OPRL1: variants seen among roughly 807,000 people sequenced by gnomAD.
OPRL1 encodes opioid related nociceptin receptor 1.
A neutral mutation model predicts 15.5 loss-of-function variants in OPRL1; 5 were observed. The observed-to-expected ratio is 0.32, with a 90% CI of 0.17 to 0.68. OPRL1 has a LOEUF of 0.68. Ranked by LOEUF, OPRL1 falls within the 30% of genes least tolerant of loss-of-function variation. OPRL1 has a pLI of 0.72. For missense variants in OPRL1, 406 were observed against 515.3 expected (o/e 0.79, Z 2.05); for synonymous variants, 223 against 230.2 (o/e 0.97, Z 0.28).
chr20:64,095,904 G>C (rs1979059384), intron 3 of OPRL1, among the ~76,000 whole-genome samples: 1 of 152,064 alleles, frequency 6.6e-6, no homozygotes. Context: ...TGGAAAGTGA[G>C]CAAGGTGGAC....
chr20:64,083,437 A>G lies in OPRL1; in HGVS notation c.-185+3085A>G. 1 of 1,611,090 alleles carries G rather than the reference A, an allele frequency of 6.2e-7. No individual in the cohort carries two copies. The highest frequency in any genetic ancestry group is 8.5e-7 in the Non-Finnish European group (1 of 1,179,254). Reference sequence around the variant, plus strand: ...GCGTCGCACACTCTCAGTCGCCGTCACCGCGGGAAGATGGTGCCATCCACG... The same window carrying G: ...GCGTCGCACACTCTCAGTCGCCGTCGCCGCGGGAAGATGGTGCCATCCACG... On this transcript the variant is annotated intron_variant, in intron 1 of 4. Transcript: ENST00000336866. The surrounding 1 kb of genome is among the most constrained non-coding windows in gnomAD (Gnocchi z 4.9).
At chr20:64,091,308 A>T in intron 1 of OPRL1, among the ~76,000 whole-genome samples, 1 of 142,476 alleles carries the variant, frequency 7.0e-6, no homozygotes, top group South Asian at 2.3e-4. Flanking sequence ...GCTGTGGCAG[A>T]GGTGCCCTGG....
rs749661685 is a variant in OPRL1 at position 64,098,816 on chromosome 20, C to T, written c.*17C>T. ...CCCGCATGACTAGGCGTGGACCTGC[C>T]CATGGTGCCTGTCAGCCCGCAGAGC... On this transcript the variant is annotated 3_prime_UTR_variant, in exon 5 of 5. Coordinates refer to ENST00000336866, the MANE Select transcript of OPRL1 (RefSeq NM_182647.4). 3 of 1,572,786 alleles carry T rather than the reference C, an allele frequency of 1.9e-6. No homozygotes were observed. Among genetic ancestry groups the T allele is most frequent in the East Asian group, 4.5e-5 (2 of 44,648 alleles).
At chr20:64,092,353 A>T (rs890019655) in intron 2 of OPRL1, among the ~76,000 whole-genome samples, 2 of 152,114 alleles carry the variant, frequency 1.3e-5, no homozygotes, top group Admixed American at 1.3e-4. Context: ...TGTGTTCATC[A>T]GTCCCTGTGG....
chr20:64,082,938 C>T (rs1188169754), intron 1 of OPRL1, among the ~76,000 whole-genome samples: 1 of 151,992 alleles, frequency 6.6e-6, no homozygotes, highest in Non-Finnish European at 1.5e-5. Context: ...GTTCCCCTTG[C>T]CCAGTCTCTT....
chr20:64,087,078 T>G (rs1382108662), intron 1 of OPRL1, among the ~76,000 whole-genome samples: 1 of 152,248 alleles, frequency 6.6e-6, no homozygotes, highest in Non-Finnish European at 1.5e-5. Flanking sequence ...GAGCAGCCTG[T>G]GTCAGGCTTT....
chr20:64,083,456 A>T lies in OPRL1; in HGVS notation c.-185+3104A>T. 6.2e-7 allele frequency: 1 copy of T among 1,609,620 alleles called. No individual in the cohort carries two copies. The highest frequency in any genetic ancestry group is 8.5e-7 in the Non-Finnish European group (1 of 1,178,666). ...GCCGTCACCGCGGGAAGATGGTGCC[A>T]TCCACGTTCTCCTCCAGGATGGTCT... is the stretch of plus-strand genomic sequence containing the variant. On this transcript the variant is annotated intron_variant, in intron 1 of 4. Transcript: ENST00000336866. The surrounding 1 kb of genome is among the most constrained non-coding windows in gnomAD (Gnocchi z 4.9).
Position 64,083,677 on chromosome 20 carries a change from C to G in OPRL1, c.-185+3325C>G. 1 of 1,427,304 alleles carries G rather than the reference C, an allele frequency of 7.0e-7. No individual in the cohort carries two copies. The highest frequency in any genetic ancestry group is 9.1e-7 in the Non-Finnish European group (1 of 1,097,808). 88.4% of individuals were successfully genotyped at this position (1,427,304 alleles called of 1,614,324 possible). A position where few individuals can be genotyped will look rare whatever the true frequency, so the allele number is the denominator to read the frequency against. ...GATGGCGGCGCGCGCGGACTTCTGC[C>G]GCTGGATGAGCAGCGCGATCTCCTC... On this transcript the variant is annotated intron_variant, in intron 1 of 4. Transcript: ENST00000336866. This position sits in a 1 kb window ranked among gnomAD's most constrained non-coding sequence, Gnocchi z 4.9.
At position 64,097,986 on chromosome 20, in the gene OPRL1, A is replaced by G; in HGVS notation, c.418A>G (p.Thr140Ala). The change falls in exon 4 of 5, where the codon ACC becomes GCC. Residue 140 changes from threonine to alanine, a missense_variant. Thr to Ala is a moderately conservative substitution (Grantham distance 58). Coordinates refer to ENST00000336866, the MANE Select transcript of OPRL1 (RefSeq NM_182647.4). This position sits in a 1 kb window ranked among gnomAD's most constrained non-coding sequence, Gnocchi z 4.2. ...DYYNMFTSTF[T>A]LTAMSVDRYV... ...CTACAACATGTTCACCAGCACCTTC[A>G]CCCTAACTGCCATGAGTGTGGATCG... 1 of 1,613,252 alleles carries G rather than the reference A, an allele frequency of 6.2e-7. No homozygotes were observed. Among genetic ancestry groups the G allele is most frequent in the Non-Finnish European group, 8.5e-7 (1 of 1,179,906 alleles).
chr20:64,099,009 A>G lies in OPRL1; in HGVS notation c.*210A>G. 1.5e-6 allele frequency: 1 copy of G among 667,704 alleles called. No homozygotes were observed. Among genetic ancestry groups the G allele is most frequent in the Non-Finnish European group, 2.5e-6 (1 of 405,366 alleles). 41.4% of individuals were successfully genotyped at this position (667,704 alleles called of 1,614,324 possible). ...TGGGACAGGTCAAAGCATTAGGGCC[A>G]CCTCCATGGCCCCAGACAGACTAAA... On this transcript the variant is annotated 3_prime_UTR_variant, in exon 5 of 5. Transcript: ENST00000336866.
At chr20:64,088,534 C>A (rs2060076807) in intron 1 of OPRL1, among the ~76,000 whole-genome samples, 2 of 145,922 alleles carry the variant, frequency 1.4e-5, no homozygotes, top group South Asian at 4.3e-4. Flanking sequence ...GGGGTGGGGG[C>A]ACGGTCTGTG....
intron 1 of OPRL1, among the ~76,000 whole-genome samples, chr20:64,085,526 A>G (rs996573929): frequency 5.3e-5 from 8 of 152,238 alleles, no homozygotes; most frequent in African/African-American, 1.9e-4. Context: ...ATTCTCAATT[A>G]ACTACTTAAT....
chr20:64,095,875 G>C (rs1307062964), intron 3 of OPRL1, among the ~76,000 whole-genome samples: 1 of 152,018 alleles, frequency 6.6e-6, no homozygotes, highest in Non-Finnish European at 1.5e-5. Flanking sequence ...GTTCCCCTCT[G>C]GGCCTTGTTT....
chr20:64,081,856 C>T (rs2059971581), intron 1 of OPRL1, among the ~76,000 whole-genome samples: 2 of 152,206 alleles, frequency 1.3e-5, no homozygotes, highest in African/African-American at 4.8e-5. Context: ...CACTGTCTTG[C>T]TGGCCTTCTC....
At chr20:64,096,824 TCACCATCATCATCATGACCATCAC>T (rs1288890242) in intron 3 of OPRL1, among the ~76,000 whole-genome samples, 8 of 37,110 alleles carry the variant, frequency 2.2e-4, no homozygotes, top group South Asian at 1.0e-3. Context: ...ACCACCATCA[TCACCATCATCATCATGACCATCAC>T]CACCATCACC....
chr20:64,093,004 G>GT (rs1569274574), intron 3 of OPRL1, 51 bp downstream of exon 3: 1 of 1,513,660 alleles, frequency 6.6e-7, no homozygotes, highest in African/African-American at 1.4e-5. Flanking sequence ...CGGCTGCAGA[G>GT]GGGGAAACTG....
Position 64,099,287 on chromosome 20 carries a change from T to A in OPRL1, c.*488T>A. 1 of 162,766 alleles carries A rather than the reference T, an allele frequency of 6.1e-6. No individual in the cohort carries two copies. The highest frequency in any genetic ancestry group is 1.3e-5 in the Non-Finnish European group (1 of 75,162). The allele number at this position is 162,766 out of a possible 1,614,324, so 10.1% of individuals were successfully genotyped here. A position where few individuals can be genotyped will look rare whatever the true frequency, so the allele number is the denominator to read the frequency against. ...GCAGGGCTCCAGCTGCCTTCAGCCC[T>A]GTGACGTCTCCTCAGGGCAGCTGGA... On this transcript the variant is annotated 3_prime_UTR_variant, in exon 5 of 5. Transcript: ENST00000336866.
At chr20:64,088,913 G>A in intron 1 of OPRL1, among the ~76,000 whole-genome samples, 1 of 151,128 alleles carries the variant, frequency 6.6e-6, no homozygotes, top group Admixed American at 6.6e-5. Flanking sequence ...TCTGTGCAGA[G>A]TGGCCAGGAT....
chr20:64,086,205 T>A (rs918704125), intron 1 of OPRL1, among the ~76,000 whole-genome samples: 6 of 152,086 alleles, frequency 3.9e-5, no homozygotes, highest in African/African-American at 1.4e-4. Context: ...GACACATGGG[T>A]GGGGCACTTT....
Sources: gnomAD v4.1 joint callset for allele counts (sites outside exome capture counted in the v4.1 genomes callset) on GRCh38, gnomAD v4.1.1 for gene constraint, Gnocchi (gnomAD v3.1) non-coding constraint, MANE v1.5 for transcripts, NCBI Gene and HGNC (gene_info 2026-07-23, HGNC 2026-07-21) for gene names.